The following CATSPERB variants were observed in gnomAD, a reference collection of about 807,000 sequenced individuals.
The protein encoded by CATSPERB is catsper channel auxiliary subunit beta.
CATSPERB carries 93 observed loss-of-function variants against 128.3 expected under a neutral mutation model. The ratio of observed to expected loss-of-function variants is 0.72; its 90% CI spans 0.61 to 0.86. CATSPERB has a LOEUF of 0.86. CATSPERB is among the 40% of genes least tolerant of loss of function. The pLI is 0.00. For missense variants in CATSPERB, 1,153 were observed against 1,329.5 expected (o/e 0.87, Z 2.06); for synonymous variants, 381 against 448.8 (o/e 0.85, Z 1.91).
At chr14:91,646,690 A>G (rs1335914660) in intron 15 of CATSPERB, among the ~76,000 whole-genome samples, 1 of 152,206 alleles carries the variant, frequency 6.6e-6, no homozygotes, top group Admixed American at 6.5e-5. Flanking sequence ...TGTTACAGGA[A>G]TAGCTGGGCT....
intron 8 of CATSPERB, 56 bp from the exon 9 acceptor site, chr14:91,693,300 C>T: frequency 1.3e-6 from 2 of 1,553,652 alleles, no homozygotes; most frequent in Non-Finnish European, 1.8e-6. Context: ...GAGTTCCTTA[C>T]TGAAGCAAAG....
In CATSPERB at chr14:91,615,280, C is replaced by T. The variant is rs568020928; in HGVS notation, c.2400+2317G>A. Among the ~76,000 whole-genome samples, 175 of 152,252 alleles carry T rather than the reference C, an allele frequency of 1.1e-3. 1 individual carries two copies. The highest frequency in any genetic ancestry group is 3.9e-3 in the African/African-American group (160 of 41,536). ...CGACCCCTATTGTGAACTGCACATG[C>T]GAGGGATCCAGGTTGCACATTCCTT... is the stretch of plus-strand genomic sequence containing the variant. On this transcript the variant is annotated intron_variant, in intron 20 of 26. Transcript: ENST00000256343.
At chr14:91,622,947 T>C (rs960457495) in intron 18 of CATSPERB, among the ~76,000 whole-genome samples, 2 of 145,488 alleles carry the variant, frequency 1.4e-5, no homozygotes, top group African/African-American at 5.1e-5. Flanking sequence ...CAGGCTGGAG[T>C]GCAATGGCGC....
chr14:91,597,461 T>C (rs1436911273), intron 22 of CATSPERB, among the ~76,000 whole-genome samples: 1 of 152,228 alleles, frequency 6.6e-6, no homozygotes, highest in Non-Finnish European at 1.5e-5. Flanking sequence ...ATCTTGATTA[T>C]AAAATATAAC....
chr14:91,729,377 A>C, intron 2 of CATSPERB, 24 bp downstream of exon 2: 1 of 1,078,014 alleles, frequency 9.3e-7, no homozygotes, highest in Non-Finnish European at 1.3e-6. Context: ...AAGGAAATAG[A>C]GAGTAAGATG....
intron 17 of CATSPERB, among the ~76,000 whole-genome samples, chr14:91,628,723 CT>C (rs559043647): frequency 3.7e-3 from 565 of 152,332 alleles, no homozygotes; most frequent in Non-Finnish European, 6.0e-3. Flanking sequence ...AATTAAACCT[CT>C]TTCCTTTATA....
chr14:91,717,892 C>T (rs1182498178), intron 5 of CATSPERB, among the ~76,000 whole-genome samples: 1 of 152,218 alleles, frequency 6.6e-6, no homozygotes, highest in Non-Finnish European at 1.5e-5. Context: ...ACCATCCCCT[C>T]CTATTACAGT....
intron 26 of CATSPERB, among the ~76,000 whole-genome samples, chr14:91,583,648 A>G (rs1053012182): frequency 2.6e-5 from 4 of 152,226 alleles, no homozygotes; most frequent in Middle Eastern, 3.2e-3. Flanking sequence ...TTTAGATACA[A>G]TGTCTATTTA....
intron 6 of CATSPERB, 119 bp downstream of exon 6, chr14:91,708,022 T>G (rs1211996941): frequency 1.5e-6 from 1 of 672,652 alleles, no homozygotes; most frequent in Non-Finnish European, 2.6e-6. Flanking sequence ...GATTATCTCC[T>G]ATTTATTTAT....
At chr14:91,691,484 T>C (rs199737618) in intron 10 of CATSPERB, 39 bp downstream of exon 10, 42 of 1,493,540 alleles carry the variant, frequency 2.8e-5, no homozygotes, top group Middle Eastern at 3.6e-4. Flanking sequence ...AGTAAACACA[T>C]ATCTTCTAAC....
At chr14:91,704,811 CA>C in intron 6 of CATSPERB, 110 bp from the exon 7 acceptor site, 6 of 1,119,360 alleles carry the variant, frequency 5.4e-6, no homozygotes, top group Admixed American at 2.5e-5. Context: ...TTCTATAGTT[CA>C]AAAAAGGTGC....
Position 91,606,073 on chromosome 14 carries a change from G to T in CATSPERB, c.2709+2221C>A, listed in dbSNP as rs138621778. On this transcript the variant is annotated intron_variant, in intron 22 of 26. Coordinates refer to ENST00000256343, the MANE Select transcript of CATSPERB (RefSeq NM_024764.4). ...TGCCTGTAATCCCAGCTGCTTGGGA[G>T]GCTGAGGCAGGAGAATCGCTTGAAC... Among the ~76,000 whole-genome samples the T allele has an allele frequency of 2.4e-3, 371 of 152,162 alleles. 2 individuals carry two copies. The highest frequency in any genetic ancestry group is 8.6e-3 in the African/African-American group (356 of 41,506).
rs2139758434 is a variant in CATSPERB at position 91,589,660 on chromosome 14, A to G, written c.2830T>C (p.Phe944Leu). 1.2e-6 allele frequency: 2 copies of G among 1,613,004 alleles called. No homozygotes were observed. Among genetic ancestry groups the G allele is most frequent in the South Asian group, 2.2e-5 (2 of 90,732 alleles). Residue 944 changes from phenylalanine to leucine, a missense_variant, in exon 24 of 27, where the codon TTT becomes CTT. Transcript: ENST00000256343. ...GGATATTGTGTAATTGGAAACTTAA[A>G]GCGAGGAACCTAAAATACAAATTCC... ...FSDCREKVPR[F>L]KFPITQYPVS... is the part of the protein sequence containing the mutation.
chr14:91,624,389 C>G (rs1894113688), intron 18 of CATSPERB, among the ~76,000 whole-genome samples: 1 of 152,234 alleles, frequency 6.6e-6, no homozygotes, highest in Non-Finnish European at 1.5e-5. Context: ...GAGGCTGAGG[C>G]AGGAGAATTG....
intron 22 of CATSPERB, chr14:91,604,416 G>A (rs1893662893): frequency 5.9e-6 from 7 of 1,183,116 alleles, no homozygotes; most frequent in Non-Finnish European, 8.7e-6. Flanking sequence ...ACATCTTCAG[G>A]TTGCATGTTC....
rs1895446143 is a variant in CATSPERB at position 91,690,413 on chromosome 14, C to T, written c.864+1110G>A. ...GCAAACAGCATAGACAGGGCTCCTG[C>T]TCTCCCAGGTCTTAGAACTTACATT... On this transcript the variant is annotated intron_variant, in intron 10 of 26. Coordinates refer to ENST00000256343, the MANE Select transcript of CATSPERB (RefSeq NM_024764.4). Among the ~76,000 whole-genome samples, 4 of 152,194 alleles carry T rather than the reference C, an allele frequency of 2.6e-5. No individual in the cohort carries two copies. The South Asian group carries it at 8.3e-4, about 31-fold the overall frequency.
At chr14:91,581,251 A>G (rs776527701) in intron 26 of CATSPERB, 144 bp from the exon 27 acceptor site, 2 of 671,146 alleles carry the variant, frequency 3.0e-6, no homozygotes, top group Non-Finnish European at 5.1e-6. Context: ...GCTTGGAAAC[A>G]GTCTCTTGAC....
chr14:91,720,584 A>G (rs1437845051), intron 4 of CATSPERB, among the ~76,000 whole-genome samples: 1 of 152,040 alleles, frequency 6.6e-6, no homozygotes, highest in Non-Finnish European at 1.5e-5. Context: ...GAAATTAAAG[A>G]TCTAAATAAA....
chr14:91,626,991 G>A (rs982598031), intron 17 of CATSPERB, among the ~76,000 whole-genome samples: 2 of 152,108 alleles, frequency 1.3e-5, no homozygotes, highest in African/African-American at 4.8e-5. Context: ...TGAACAAATA[G>A]TTTATAAACA....
Sources: allele counts gnomAD v4.1 joint callset (sites outside exome capture counted in the v4.1 genomes callset), GRCh38; gene constraint gnomAD v4.1.1; transcripts MANE v1.5; gene names NCBI Gene and HGNC (gene_info 2026-07-23, HGNC 2026-07-21).